ROBO1: variants seen among roughly 807,000 people sequenced by gnomAD.
ROBO1 encodes the protein roundabout guidance receptor 1, also known as roundabout homolog 1.
In ROBO1, 149 loss-of-function variants were observed where a neutral mutation model predicts 195.9. The ratio of observed to expected loss-of-function variants is 0.76; its 90% CI spans 0.67 to 0.87. The LOEUF is 0.87. Among genes scored for constraint, ROBO1 ranks in the 40% least tolerant of loss-of-function variants. The pLI is 0.00. For missense variants in ROBO1, 1,933 were observed against 2,068.3 expected (o/e 0.93, Z 1.27); for synonymous variants, 816 against 733.2 (o/e 1.11, Z -1.82).
At chr3:79,765,589 C>G (rs1363703437) in intron 1 of ROBO1, among the ~76,000 whole-genome samples, 5 of 152,192 alleles carry the variant, frequency 3.3e-5, no homozygotes, top group African/African-American at 7.2e-5. Context: ...TAGGAGAATA[C>G]AAGTTTGGGC....
intron 2 of ROBO1, among the ~76,000 whole-genome samples, chr3:79,163,487 A>T (rs1200022421): frequency 6.6e-6 from 1 of 152,126 alleles, no homozygotes; most frequent in African/African-American, 2.4e-5. Flanking sequence ...AGCTATGAAC[A>T]TGGGTGTATA....
At chr3:79,134,076 A>G in intron 2 of ROBO1, among the ~76,000 whole-genome samples, 1 of 148,634 alleles carries the variant, frequency 6.7e-6, no homozygotes, top group Non-Finnish European at 1.5e-5. Context: ...ACAGCAAAAG[A>G]AACTACCATC....
intron 3 of ROBO1, among the ~76,000 whole-genome samples, chr3:79,047,649 C>T (rs570980341): frequency 6.6e-6 from 1 of 152,106 alleles, no homozygotes; most frequent in Admixed American, 6.6e-5. Flanking sequence ...CATAGCCATA[C>T]ACATTTAGTA....
intron 3 of ROBO1, among the ~76,000 whole-genome samples, chr3:78,963,760 A>G (rs1185805): frequency 6.6e-6 from 1 of 151,574 alleles, no homozygotes; most frequent in Non-Finnish European, 1.5e-5. Flanking sequence ...CTCGTGATCC[A>G]CCCGCCTCGG....
In ROBO1 at chr3:78,668,550, G is replaced by A. The variant is rs775047691; in HGVS notation, c.1564C>T (p.Arg522Trp). ...GGGGTTGATGCAATGCAGGTGTACC[G>A]ACCAGTATCACCCAGCTGAGAAGGC... Reference protein sequence around the residue: ...IRYAKLGDTGRYTCIASTPSG... With the variant: ...IRYAKLGDTGWYTCIASTPSG... The change falls in exon 12 of 31, where the codon CGG (arginine) becomes TGG (tryptophan). Residue 522 changes from arginine to tryptophan, a missense_variant. Physicochemically the swap from Arg to Trp is moderately radical, Grantham distance 101. Coordinates refer to ENST00000464233, the MANE Select transcript of ROBO1 (RefSeq NM_002941.4). 7.4e-6 allele frequency: 12 copies of A among 1,613,520 alleles called. No individual in the cohort carries two copies. Among genetic ancestry groups the A allele is most frequent in the Middle Eastern group, 1.6e-4 (1 of 6,082 alleles).
At chr3:79,533,949 T>C (rs1219567900) in intron 2 of ROBO1, among the ~76,000 whole-genome samples, 1 of 151,978 alleles carries the variant, frequency 6.6e-6, no homozygotes, top group Non-Finnish European at 1.5e-5. Context: ...AGCTTATTAA[T>C]CAGCTGAATC....
intron 4 of ROBO1, among the ~76,000 whole-genome samples, chr3:78,904,722 G>GTA (rs974909579): frequency 1.2e-4 from 18 of 149,704 alleles, no homozygotes; most frequent in African/African-American, 2.4e-4. Flanking sequence ...ATATGTATAT[G>GTA]TATATATATG....
At chr3:79,298,569 C>A (rs905214866) in intron 2 of ROBO1, among the ~76,000 whole-genome samples, 2 of 151,930 alleles carry the variant, frequency 1.3e-5, no homozygotes, top group Non-Finnish European at 2.9e-5. Flanking sequence ...ATTTCTTTTT[C>A]TTATTTTGGG....
intron 29 of ROBO1, among the ~76,000 whole-genome samples, chr3:78,605,866 C>T (rs1703432867): frequency 6.6e-6 from 1 of 152,080 alleles, no homozygotes; most frequent in African/African-American, 2.4e-5. Flanking sequence ...TTCAACTTAC[C>T]TTTGAACATT....
At position 78,626,696 on chromosome 3, in the gene ROBO1, T is replaced by C. The variant is rs189752074; in HGVS notation, c.3875+625A>G. On this transcript the variant is annotated intron_variant, in intron 26 of 30. Coordinates refer to ENST00000464233, the MANE Select transcript of ROBO1 (RefSeq NM_002941.4). ...AGCCATTGTATATAACAAATACGTATTGGTTGGGGATGCTCAATACATAGG... is the reference window on the plus strand; with the variant it reads ...AGCCATTGTATATAACAAATACGTACTGGTTGGGGATGCTCAATACATAGG... Among the ~76,000 whole-genome samples, 423 of 151,978 alleles carry C rather than the reference T, an allele frequency of 2.8e-3. 3 individuals carry two copies. Among genetic ancestry groups the C allele is most frequent in the African/African-American group, 9.6e-3 (399 of 41,446 alleles).
chr3:78,661,804 G>GA (rs1041099403), intron 15 of ROBO1, among the ~76,000 whole-genome samples, 189 bp downstream of exon 15: 1 of 151,774 alleles, frequency 6.6e-6, no homozygotes, highest in Non-Finnish European at 1.5e-5. Context: ...AGCACAATAG[G>GA]AAAAAAATAG....
At chr3:79,278,386 A>AAACC (rs769638354) in intron 2 of ROBO1, among the ~76,000 whole-genome samples, 5 of 151,864 alleles carry the variant, frequency 3.3e-5, no homozygotes, top group African/African-American at 9.7e-5. Flanking sequence ...AAAAACAAAC[A>AAACC]AACAAACAAA....
intron 4 of ROBO1, among the ~76,000 whole-genome samples, chr3:78,921,899 T>C (rs2038956369): frequency 6.6e-6 from 1 of 151,772 alleles, no homozygotes; most frequent in Non-Finnish European, 1.5e-5. Context: ...CGATTCCCCT[T>C]CCTTGGCCTC....
chr3:78,945,697 G>C (rs1458932826), intron 3 of ROBO1, among the ~76,000 whole-genome samples: 1 of 152,168 alleles, frequency 6.6e-6, no homozygotes, highest in Admixed American at 6.5e-5. Context: ...GAGAGAAGAA[G>C]GCTTCAGACG....
rs868355832 is a variant in ROBO1, at chr3:78,884,786, A to G, written c.499+53815T>C. Among the ~76,000 whole-genome samples, 14 of 152,140 alleles carry G rather than the reference A, an allele frequency of 9.2e-5. No individual in the cohort carries two copies. The South Asian group carries it at 2.7e-3, about 29-fold the overall frequency. On this transcript the variant is annotated intron_variant, in intron 4 of 30. Transcript: ENST00000464233. ...AAGAAAATTTAATAGTCCAGATAAG[A>G]TATGATAAATTATTCCTGGATTGAG... is the stretch of plus-strand genomic sequence containing the variant.
intron 2 of ROBO1, among the ~76,000 whole-genome samples, chr3:79,542,001 T>C (rs1942089703): frequency 6.6e-6 from 1 of 151,838 alleles, no homozygotes; most frequent in African/African-American, 2.4e-5. Context: ...ATAAATTACA[T>C]TTTACTCTAA....
intron 2 of ROBO1, among the ~76,000 whole-genome samples, chr3:79,451,686 A>C (rs558615985): frequency 6.6e-6 from 1 of 152,228 alleles, no homozygotes; most frequent in African/African-American, 2.4e-5. Flanking sequence ...GAATAATTAA[A>C]ATATGGTGAA....
intron 1 of ROBO1, among the ~76,000 whole-genome samples, chr3:79,668,069 T>C (rs1946523675): frequency 6.6e-6 from 1 of 151,862 alleles, no homozygotes. Flanking sequence ...GCAATCCTTA[T>C]GTGATACAAC....
chr3:79,111,130 A>G (rs150865344), intron 3 of ROBO1, among the ~76,000 whole-genome samples: 1 of 152,286 alleles, frequency 6.6e-6, no homozygotes, highest in East Asian at 1.9e-4. Context: ...GCTCTGACTC[A>G]TTTATAGAAA....
Sources: allele counts gnomAD v4.1 joint callset (sites outside exome capture counted in the v4.1 genomes callset), GRCh38; gene constraint gnomAD v4.1.1; transcripts MANE v1.5; gene names NCBI Gene and HGNC (gene_info 2026-07-23, HGNC 2026-07-21).